C1QTNF3: variants seen among roughly 807,000 people sequenced by gnomAD.
C1QTNF3 encodes the protein C1q and TNF related 3, also known as complement C1q tumor necrosis factor-related protein 3.
A neutral mutation model predicts 32.6 loss-of-function variants in C1QTNF3; 26 were observed. The ratio of observed to expected loss-of-function variants is 0.80; its 90% CI spans 0.58 to 1.11. The LOEUF is 1.11. C1QTNF3 is among the 50% of genes least tolerant of loss of function. The pLI, the probability that C1QTNF3 is intolerant of heterozygous loss-of-function variation, is 0.00. For synonymous variants in C1QTNF3, 155 were observed against 146.0 expected (o/e 1.06, Z -0.44); for missense variants, 362 against 398.2 (o/e 0.91, Z 0.77).
chr5:34,219,784 T>C, the C1QTNF3 span: 1 of 152,102 alleles, frequency 6.6e-6, no homozygotes, highest in Non-Finnish European at 1.5e-5. Flanking sequence ...CAGGCAAAAC[T>C]TGTGGATGTT....
At chr5:34,213,809 A>ATATAT in the C1QTNF3 span, among the ~76,000 whole-genome samples, 6 of 4,938 alleles carry the variant, frequency 1.2e-3, no homozygotes, top group African/African-American at 2.3e-3. Flanking sequence ...ATATATATAT[A>ATATAT]TTTTTTTTTT....
chr5:34,223,909 C>G, the C1QTNF3 span, among the ~76,000 whole-genome samples: 279 of 152,176 alleles, frequency 1.8e-3, 1 homozygote, highest in African/African-American at 6.3e-3. Flanking sequence ...ACCCCATTGT[C>G]TCAGCCCAAA....
At chr5:34,236,217 C>T in the C1QTNF3 span, among the ~76,000 whole-genome samples, 4 of 152,120 alleles carry the variant, frequency 2.6e-5, no homozygotes, top group East Asian at 1.9e-4. Flanking sequence ...CAAAATAGAA[C>T]ATAAATGTTT....
At chr5:34,068,883 T>G in the C1QTNF3 span, among the ~76,000 whole-genome samples, 1 of 152,298 alleles carries the variant, frequency 6.6e-6, no homozygotes, top group East Asian at 1.9e-4. Flanking sequence ...TCTTAATTAT[T>G]TGATTAGTTA....
At chr5:34,164,697 A>G in the C1QTNF3 span, 1 of 152,046 alleles carries the variant, frequency 6.6e-6, no homozygotes, top group Non-Finnish European at 1.5e-5. Context: ...CTAACACCAC[A>G]TGGATAAAGA....
At chr5:34,156,239 T>C in the C1QTNF3 span, among the ~76,000 whole-genome samples, 3 of 151,912 alleles carry the variant, frequency 2.0e-5, no homozygotes, top group East Asian at 5.8e-4. Context: ...CCCAGGTAAT[T>C]TGTGTAATTT....
chr5:34,028,115 G>A (rs1034911996), intron 4 of C1QTNF3, among the ~76,000 whole-genome samples: 2 of 152,158 alleles, frequency 1.3e-5, no homozygotes, highest in East Asian at 1.9e-4. Flanking sequence ...TGGGACTACA[G>A]GCGCCCGCCA....
At chr5:34,078,425 C>T in the C1QTNF3 span, among the ~76,000 whole-genome samples, 2,404 of 151,848 alleles carry the variant, frequency 0.016, 7 homozygotes, top group Non-Finnish European at 0.026. This position sits in a 1 kb window ranked among gnomAD's most constrained non-coding sequence, Gnocchi z 4.0. Context: ...ACAATCATGG[C>T]GGAAGGGGAA....
chr5:34,178,244 A>G, the C1QTNF3 span, among the ~76,000 whole-genome samples: 1 of 152,060 alleles, frequency 6.6e-6, no homozygotes, highest in Admixed American at 6.6e-5. Context: ...TTGCACCACT[A>G]CACTCCAGCC....
At chr5:34,209,712 G>A in the C1QTNF3 span, among the ~76,000 whole-genome samples, 2 of 151,982 alleles carry the variant, frequency 1.3e-5, no homozygotes, top group South Asian at 4.1e-4. Flanking sequence ...TTTAGTTTGA[G>A]TCTCTTCCGG....
At chr5:34,045,640 A>G (rs974466215), upstream of C1QTNF3, among the ~76,000 whole-genome samples, 1 of 152,174 alleles carries the variant, frequency 6.6e-6, no homozygotes, top group African/African-American at 2.4e-5. Context: ...GCAGCTGGAA[A>G]GAACTGGACT....
chr5:34,102,233 T>A, the C1QTNF3 span, among the ~76,000 whole-genome samples: 1 of 152,188 alleles, frequency 6.6e-6, no homozygotes, highest in African/African-American at 2.4e-5. Context: ...AAGCATGACA[T>A]CTCATTTCGT....
chr5:34,121,563 G>T, the C1QTNF3 span, among the ~76,000 whole-genome samples: 607 of 152,174 alleles, frequency 4.0e-3, 2 homozygotes, highest in South Asian at 7.1e-3. Context: ...TGATTCAAAT[G>T]ATCTCCCACC....
chr5:34,161,663 CA>C, the C1QTNF3 span, among the ~76,000 whole-genome samples: 1 of 152,142 alleles, frequency 6.6e-6, no homozygotes, highest in Admixed American at 6.5e-5. Flanking sequence ...GGACTTTTGA[CA>C]GGAATTATTA....
At chr5:34,108,537 G>A in the C1QTNF3 span, among the ~76,000 whole-genome samples, 5 of 151,870 alleles carry the variant, frequency 3.3e-5, no homozygotes, top group Admixed American at 3.3e-4. Flanking sequence ...AAAAGTACAC[G>A]GACAACAGAA....
intron 5 of C1QTNF3, among the ~76,000 whole-genome samples, chr5:34,021,529 G>A (rs1359561638): frequency 1.3e-5 from 2 of 152,214 alleles, no homozygotes; most frequent in African/African-American, 4.8e-5. Context: ...ATATCTGGAA[G>A]AGCAGTGATA....
the C1QTNF3 span, among the ~76,000 whole-genome samples, chr5:34,218,778 G>A: frequency 6.6e-6 from 1 of 152,154 alleles, no homozygotes; most frequent in Admixed American, 6.6e-5. Flanking sequence ...TGACCTTCAT[G>A]TCCCATCTGC....
the C1QTNF3 span, among the ~76,000 whole-genome samples, chr5:34,171,219 C>T: frequency 7.3e-5 from 11 of 151,606 alleles, no homozygotes; most frequent in African/African-American, 1.2e-4. Context: ...GGGTTTCCAC[C>T]GAGATATTTT....
chr5:34,080,962 T>A, the C1QTNF3 span, among the ~76,000 whole-genome samples: 1 of 151,698 alleles, frequency 6.6e-6, no homozygotes, highest in Non-Finnish European at 1.5e-5. Context: ...GTCAATACGC[T>A]GAGTGAATGA....
Sources: gnomAD v4.1 joint callset for allele counts (sites outside exome capture counted in the v4.1 genomes callset) on GRCh38, gnomAD v4.1.1 for gene constraint, Gnocchi (gnomAD v3.1) non-coding constraint, MANE v1.5 for transcripts, NCBI Gene and HGNC (gene_info 2026-07-23, HGNC 2026-07-21) for gene names.